The following GRIN2B variants were observed in gnomAD, a reference collection of about 807,000 sequenced individuals.
The protein encoded by GRIN2B is glutamate receptor ionotropic, NMDA 2B.
A neutral mutation model predicts 114.5 loss-of-function variants in GRIN2B; 5 were observed. The ratio of observed to expected loss-of-function variants is 0.04; its 90% CI spans 0.02 to 0.09. The LOEUF (loss-of-function observed/expected upper bound fraction) is 0.09, where lower values mean the gene tolerates loss of function less well. Ranked by LOEUF, GRIN2B falls within the 10% of genes least tolerant of loss-of-function variation. The pLI, the probability that GRIN2B is intolerant of heterozygous loss-of-function variation, is 1.00. For synonymous variants in GRIN2B, 787 were observed against 745.1 expected (o/e 1.06, Z -0.92); for missense variants, 1,108 against 1,943.5 (o/e 0.57, Z 8.08).
At chr12:13,636,536 G>A (rs1949667470) in intron 5 of GRIN2B, among the ~76,000 whole-genome samples, 1 of 152,166 alleles carries the variant, frequency 6.6e-6, no homozygotes, top group Non-Finnish European at 1.5e-5. Context: ...GGCAATAGAG[G>A]GAGTGTGAAG....
At chr12:13,739,769 G>A (rs188299044) in intron 4 of GRIN2B, among the ~76,000 whole-genome samples, 62 of 152,280 alleles carry the variant, frequency 4.1e-4, no homozygotes, top group Non-Finnish European at 4.4e-5. Context: ...GGAAGGAAGC[G>A]CATCCCTAAG....
intron 5 of GRIN2B, among the ~76,000 whole-genome samples, chr12:13,628,270 G>A (rs1949588350): frequency 6.6e-6 from 1 of 152,146 alleles, no homozygotes; most frequent in African/African-American, 2.4e-5. Context: ...AGTGGAAACA[G>A]CGCCACCATG....
intron 2 of GRIN2B, among the ~76,000 whole-genome samples, chr12:13,963,180 A>G (rs12820037): frequency 0.29 from 43,833 of 151,988 alleles, 6,805 homozygotes; most frequent in Non-Finnish European, 0.37. Flanking sequence ...TGCTCCTGCC[A>G]TTCTCTCTAA....
At chr12:13,622,877 C>T (rs975711309) in intron 5 of GRIN2B, among the ~76,000 whole-genome samples, 5 of 152,164 alleles carry the variant, frequency 3.3e-5, no homozygotes, top group Non-Finnish European at 5.9e-5. Context: ...AAAGGTCCCA[C>T]CTCTCAACAA....
chr12:13,964,435 C>A (rs548653790), intron 2 of GRIN2B, among the ~76,000 whole-genome samples: 1 of 152,152 alleles, frequency 6.6e-6, no homozygotes, highest in Non-Finnish European at 1.5e-5. Flanking sequence ...TGAATCCATG[C>A]GGTGGGTTAA....
intron 3 of GRIN2B, among the ~76,000 whole-genome samples, chr12:13,795,243 T>C (rs1864397369): frequency 6.6e-6 from 1 of 152,094 alleles, no homozygotes; most frequent in Non-Finnish European, 1.5e-5. Flanking sequence ...ACTGAGTTAA[T>C]ACTATAAGAT....
intron 4 of GRIN2B, among the ~76,000 whole-genome samples, chr12:13,695,484 C>A (rs1327139590): frequency 6.6e-6 from 1 of 151,996 alleles, no homozygotes; most frequent in Non-Finnish European, 1.5e-5. Context: ...TCTGAAAGAG[C>A]GAGTAGTCTA....
At position 13,774,941 on chromosome 12, in the gene GRIN2B, G is replaced by T. The variant is rs114027480; in HGVS notation, c.412-21026C>A. 7.6e-3 allele frequency among the ~76,000 whole-genome samples: 1,161 copies of T among 152,246 alleles called. 18 individuals carry two copies. Among genetic ancestry groups the T allele is most frequent in the African/African-American group, 0.026 (1,091 of 41,558 alleles). ...CATAGGAAAGGAAGAGATCACATGTGATCATGAATCAGGAAAGTTCCCATG... is the reference window on the plus strand; with the variant it reads ...CATAGGAAAGGAAGAGATCACATGTTATCATGAATCAGGAAAGTTCCCATG... On this transcript the variant is annotated intron_variant, in intron 3 of 13. Transcript: ENST00000609686.
At chr12:13,715,773 A>G (rs1429133633) in intron 4 of GRIN2B, among the ~76,000 whole-genome samples, 2 of 151,916 alleles carry the variant, frequency 1.3e-5, no homozygotes, top group South Asian at 2.1e-4. Context: ...TGCAAAATAT[A>G]ACCCCTTGAT....
intron 5 of GRIN2B, among the ~76,000 whole-genome samples, chr12:13,673,642 G>A (rs931613843): frequency 6.6e-6 from 1 of 152,070 alleles, no homozygotes. Flanking sequence ...GAATTGGTGA[G>A]GGAAGGGATC....
At chr12:13,646,991 A>G (rs1277980971) in intron 5 of GRIN2B, among the ~76,000 whole-genome samples, 1 of 152,128 alleles carries the variant, frequency 6.6e-6, no homozygotes, top group Non-Finnish European at 1.5e-5. Context: ...ATACCCAGTA[A>G]GAACCTCAGC....
chr12:13,690,364 C>G (rs1344556782), intron 4 of GRIN2B, among the ~76,000 whole-genome samples: 1 of 54,648 alleles, frequency 1.8e-5, no homozygotes, highest in Non-Finnish European at 4.4e-5. Flanking sequence ...GCCTCTCTCT[C>G]TCTCTCTCTC....
At chr12:13,729,303 C>T (rs1046870036) in intron 4 of GRIN2B, among the ~76,000 whole-genome samples, 1 of 152,180 alleles carries the variant, frequency 6.6e-6, no homozygotes, top group African/African-American at 2.4e-5. Context: ...AATGCACTGC[C>T]ATTCCCACAG....
intron 5 of GRIN2B, among the ~76,000 whole-genome samples, chr12:13,656,385 C>G (rs1949863778): frequency 6.6e-6 from 1 of 152,176 alleles, no homozygotes; most frequent in African/African-American, 2.4e-5. Flanking sequence ...TGGTGGTGTT[C>G]TGTGTGCACG....
intron 2 of GRIN2B, among the ~76,000 whole-genome samples, chr12:13,893,343 G>C (rs1340888487): frequency 6.6e-6 from 1 of 151,996 alleles, no homozygotes; most frequent in Non-Finnish European, 1.5e-5. Flanking sequence ...ATAGTGGAGG[G>C]GAGGGGGTAG....
intron 3 of GRIN2B, among the ~76,000 whole-genome samples, chr12:13,776,081 G>A (rs921554863): frequency 1.3e-5 from 2 of 152,118 alleles, no homozygotes; most frequent in Admixed American, 1.3e-4. Context: ...ATACAGCATG[G>A]GATACTATGC....
chr12:13,615,360 T>C lies in GRIN2B; in HGVS notation c.1501-93A>G, dbSNP rs1208606220. 5 of 1,444,560 alleles carry C rather than the reference T, an allele frequency of 3.5e-6. No homozygotes were observed. Among genetic ancestry groups the C allele is most frequent in the Admixed American group, 3.4e-5 (2 of 59,450 alleles). 89.5% of individuals were successfully genotyped at this position (1,444,560 alleles called of 1,614,324 possible). On this transcript the variant is annotated intron_variant, in intron 7 of 13. Coordinates refer to ENST00000609686, the MANE Select transcript of GRIN2B (RefSeq NM_000834.5). This position sits in a 1 kb window ranked among gnomAD's most constrained non-coding sequence, Gnocchi z 5.8. ...CAGCCTATCAGTGGTTTTCTTTGTA[T>C]AGTGGGAACAATACATCTTATTTGC... is the stretch of plus-strand genomic sequence containing the variant.
chr12:13,561,657 TA>T lies in GRIN2B; in HGVS notation c.*1125del, dbSNP rs1247259893. 1.3e-5 allele frequency: 2 copies of T among 152,774 alleles called. No individual in the cohort carries two copies. The highest frequency in any genetic ancestry group is 3.9e-4 in the East Asian group (2 of 5,182). 9.5% of individuals were successfully genotyped at this position (152,774 alleles called of 1,614,324 possible). A position where few individuals can be genotyped will look rare whatever the true frequency, so the allele number is the denominator to read the frequency against. The stretch of plus-strand genomic sequence containing the variant: ...AGTCTAAATGCTCAAAAGAGCTTTG[TA>T]GAATCTTTTGCTCCCAAGTGTGGGC... On this transcript the variant is annotated 3_prime_UTR_variant, in exon 14 of 14. Coordinates refer to ENST00000609686, the MANE Select transcript of GRIN2B (RefSeq NM_000834.5).
chr12:13,742,462 G>A (rs1370033328), intron 4 of GRIN2B, among the ~76,000 whole-genome samples: 3 of 152,086 alleles, frequency 2.0e-5, no homozygotes, highest in Admixed American at 6.5e-5. Context: ...ACAGAGTCTC[G>A]CCCTGTTGCC....
Sources: gnomAD v4.1 joint callset for allele counts (sites outside exome capture counted in the v4.1 genomes callset) on GRCh38, gnomAD v4.1.1 for gene constraint, Gnocchi (gnomAD v3.1) non-coding constraint, MANE v1.5 for transcripts, NCBI Gene and HGNC (gene_info 2026-07-23, HGNC 2026-07-21) for gene names.